Variants in CCDC186 observed in about 807,000 individuals in gnomAD.
CCDC186 encodes the protein coiled-coil domain containing 186.
A neutral mutation model predicts 113.7 loss-of-function variants in CCDC186; 49 were observed. The ratio of observed to expected loss-of-function variants is 0.43; its 90% CI spans 0.34 to 0.55. The LOEUF (loss-of-function observed/expected upper bound fraction) is 0.55, where lower values mean the gene tolerates loss of function less well. Among genes scored for constraint, CCDC186 ranks in the 20% least tolerant of loss-of-function variants. The pLI is 0.02. For synonymous variants in CCDC186, 355 were observed against 345.8 expected (o/e 1.03, Z -0.30); for missense variants, 890 against 1,011.1 (o/e 0.88, Z 1.62).
At position 114,142,206 on chromosome 10, in the gene CCDC186, C is replaced by T. The variant is rs1248527354; in HGVS notation, c.1221+2291G>A. On this transcript the variant is annotated intron_variant, in intron 6 of 15. Coordinates refer to ENST00000369287, the MANE Select transcript of CCDC186 (RefSeq NM_018017.4). ...AGAGCTTATTAAGCAACAGTCTTAC[C>T]TCGGGTGACCTAGTGTACAGAACAT... 1.3e-5 allele frequency among the ~76,000 whole-genome samples: 2 copies of T among 152,182 alleles called. 1 individual carries two copies. Among genetic ancestry groups the T allele is most frequent in the South Asian group, 4.1e-4 (2 of 4,834 alleles).
intron 4 of CCDC186, among the ~76,000 whole-genome samples, chr10:114,149,219 T>G (rs893795981): frequency 4.8e-4 from 73 of 152,266 alleles, no homozygotes; most frequent in African/African-American, 1.8e-3. Flanking sequence ...CAGCTAAAAG[T>G]CAGTACATCA....
intron 2 of CCDC186, among the ~76,000 whole-genome samples, chr10:114,160,644 T>C (rs1268041806): frequency 1.3e-5 from 2 of 152,120 alleles, no homozygotes; most frequent in African/African-American, 4.8e-5. Context: ...TTTAAATATA[T>C]ACAATTTTAT....
chr10:114,142,059 T>A (rs1258800897), intron 6 of CCDC186, among the ~76,000 whole-genome samples: 1 of 152,172 alleles, frequency 6.6e-6, no homozygotes, highest in Non-Finnish European at 1.5e-5. Context: ...ATAGTTTTAT[T>A]AAGTGAGATA....
In CCDC186 at chr10:114,163,113, A is replaced by G. The variant is rs760768207; in HGVS notation, c.156T>C (p.Thr52=). Residue 52 remains threonine (T), a synonymous_variant, in exon 2 of 16, where the codon ACT becomes ACC. Coordinates refer to ENST00000369287, the MANE Select transcript of CCDC186 (RefSeq NM_018017.4). ...TATTATGCTCATTAGGTTGACATAA[A>G]GTTTTATCAGTGTTTAATGACAATA... ...SKLLSLNTDK[T]LCQPNEHNNR... is the part of the protein sequence containing the mutation. 8 of 1,613,774 alleles carry G rather than the reference A, an allele frequency of 5.0e-6. No homozygotes were observed. In the African/African-American group the frequency reaches 8.0e-5, roughly 16 times the overall value.
intron 3 of CCDC186, among the ~76,000 whole-genome samples, chr10:114,156,496 C>T (rs1448554830): frequency 6.6e-6 from 1 of 152,164 alleles, no homozygotes; most frequent in Non-Finnish European, 1.5e-5. Flanking sequence ...CAGGCCAAGG[C>T]AAGTGGATCA....
At chr10:114,152,451 T>C (rs1302463024) in intron 3 of CCDC186, among the ~76,000 whole-genome samples, 1 of 152,154 alleles carries the variant, frequency 6.6e-6, no homozygotes, top group Non-Finnish European at 1.5e-5. Flanking sequence ...TTCATGCATC[T>C]ACTTAGGATC....
Position 114,122,195 on chromosome 10 carries a change from G to A in CCDC186, c.*2948C>T, listed in dbSNP as rs1218159975. The A allele has an allele frequency of 6.6e-6, 1 of 152,090 alleles. No homozygotes were observed. Among genetic ancestry groups the A allele is most frequent in the Non-Finnish European group, 1.5e-5 (1 of 68,046 alleles). The allele number at this position is 152,090 out of a possible 1,614,324, so 9.4% of individuals were successfully genotyped here. On this transcript the variant is annotated 3_prime_UTR_variant, in exon 16 of 16. Coordinates refer to ENST00000369287, the MANE Select transcript of CCDC186 (RefSeq NM_018017.4). ...CTAGTATAAATACAATACCCTGTAT[G>A]GTGCCAATACAATAGTATAGGTTTT...
Position 114,145,673 on chromosome 10 carries a change from C to T in CCDC186, c.977G>A (p.Arg326Gln), listed in dbSNP as rs1461006543. The T allele has an allele frequency of 8.1e-6, 13 of 1,612,670 alleles. No individual in the cohort carries two copies. The highest frequency in any genetic ancestry group is 6.7e-5 in the East Asian group (3 of 44,810). ...TTTCTCAAGTGTCTCTTTTTCCTTT[C>T]GAAGATCTAAAGATTCCTTCTCACC... ...VRGEKESLDL[R>Q]KEKETLEKKL... is the part of the protein sequence containing the mutation. The change falls in exon 5 of 16, where the codon CGA becomes CAA. Residue 326 changes from arginine (R) to glutamine (Q), a missense_variant. Arg to Gln is a conservative substitution (Grantham distance 43). Coordinates refer to ENST00000369287, the MANE Select transcript of CCDC186 (RefSeq NM_018017.4).
chr10:114,151,187 C>T lies in CCDC186; in HGVS notation c.793G>A (p.Val265Ile), dbSNP rs1589623063. ...ESRIEELNKEVKASRDQLIAQ... is the reference protein window; with the variant it reads ...ESRIEELNKEIKASRDQLIAQ... ...ATTAGTTGATCTCTGGAAGCTTTAA[C>T]TTCTTTATTAAGTTCTTCTATTCTT... Residue 265 changes from valine to isoleucine, a missense_variant, in exon 4 of 16, where the codon GTT becomes ATT. Val to Ile is a conservative substitution (Grantham distance 29). Transcript: ENST00000369287. 6.9e-6 allele frequency: 11 copies of T among 1,595,258 alleles called. No individual in the cohort carries two copies. Among genetic ancestry groups the T allele is most frequent in the East Asian group, 2.2e-5 (1 of 44,748 alleles).
Position 114,135,976 on chromosome 10 carries a change from A to G in CCDC186, c.1427T>C (p.Met476Thr). 1 of 1,610,748 alleles carries G rather than the reference A, an allele frequency of 6.2e-7. No individual in the cohort carries two copies. Among genetic ancestry groups the G allele is most frequent in the Non-Finnish European group, 8.5e-7 (1 of 1,177,582 alleles). ...QMQEKSDQLE[M>T]HHAKIKELED... ...TAGTTCCTTTATTTTGGCATGATGCATCTTTAAAAAAGTTTAAAAGAAACA... is the reference window on the plus strand; with the variant it reads ...TAGTTCCTTTATTTTGGCATGATGCGTCTTTAAAAAAGTTTAAAAGAAACA... The change falls in exon 9 of 16, where the codon ATG (methionine) becomes ACG (threonine). Residue 476 changes from methionine (M) to threonine (T), a missense_variant and splice_region_variant. Physicochemically the swap from Met to Thr is moderately conservative, Grantham distance 81. Coordinates refer to ENST00000369287, the MANE Select transcript of CCDC186 (RefSeq NM_018017.4).
chr10:114,164,418 C>T (rs1004775017), intron 1 of CCDC186, among the ~76,000 whole-genome samples: 4 of 151,914 alleles, frequency 2.6e-5, no homozygotes, highest in African/African-American at 4.8e-5. Context: ...CCACCGCACC[C>T]GGCATAGGAT....
At chr10:114,155,012 A>T (rs1037112011) in intron 3 of CCDC186, among the ~76,000 whole-genome samples, 26 of 152,366 alleles carry the variant, frequency 1.7e-4, no homozygotes, top group African/African-American at 6.3e-4. Flanking sequence ...TTCCATTTAT[A>T]TGAAACGTCC....
chr10:114,147,300 T>C (rs1167974342), intron 4 of CCDC186, among the ~76,000 whole-genome samples: 1 of 152,126 alleles, frequency 6.6e-6, no homozygotes, highest in Admixed American at 6.5e-5. Context: ...CATTATAATA[T>C]GAAAAATTAT....
At chr10:114,170,192 C>T (rs2032452784) in intron 1 of CCDC186, among the ~76,000 whole-genome samples, 1 of 151,780 alleles carries the variant, frequency 6.6e-6, no homozygotes, top group South Asian at 2.1e-4. Flanking sequence ...TGAATTTATG[C>T]AGATCAAATT....
chr10:114,164,992 A>G (rs1419039294), intron 1 of CCDC186, among the ~76,000 whole-genome samples: 1 of 152,222 alleles, frequency 6.6e-6, no homozygotes. Context: ...AAAGCCTGTA[A>G]GCACAGAAAT....
chr10:114,152,433 T>C (rs185513444), intron 3 of CCDC186, among the ~76,000 whole-genome samples: 265 of 152,126 alleles, frequency 1.7e-3, no homozygotes, highest in African/African-American at 6.0e-3. Context: ...TTCAGTGCTA[T>C]TGACAATTTC....
In CCDC186 at chr10:114,144,581, G is replaced by C. The variant is rs777601034; in HGVS notation, c.1137C>G (p.Asp379Glu). The change falls in exon 6 of 16, where the codon GAC becomes GAG. Residue 379 changes from aspartate (D) to glutamate (E), a missense_variant. By Grantham distance (45) the Asp-to-Glu change is conservative. Coordinates refer to ENST00000369287, the MANE Select transcript of CCDC186 (RefSeq NM_018017.4). ...GAGAGTTAATGTCTTCCTTTAATTTGTCTATTTCTCTGATGAGTCTAGTCG... is the reference window on the plus strand; with the variant it reads ...GAGAGTTAATGTCTTCCTTTAATTTCTCTATTTCTCTGATGAGTCTAGTCG... ...GETTRLIREI[D>E]KLKEDINSHV... The C allele has an allele frequency of 5.1e-5, 82 of 1,612,306 alleles. No homozygotes were observed. Among genetic ancestry groups the C allele is most frequent in the Non-Finnish European group, 6.4e-5 (75 of 1,178,912 alleles).
Position 114,131,984 on chromosome 10 carries a change from C to T in CCDC186, c.1856G>A (p.Ser619Asn), listed in dbSNP as rs1564905873. 10 of 1,612,788 alleles carry T rather than the reference C, an allele frequency of 6.2e-6. No homozygotes were observed. The highest frequency in any genetic ancestry group is 8.5e-6 in the Non-Finnish European group (10 of 1,179,448). ...LQSQFDKVSCSESQLQSQCEQ... is the reference protein window; with the variant it reads ...LQSQFDKVSCNESQLQSQCEQ... ...ACACTGGCTTTGTAACTGACTTTCA[C>T]TACAGGAAACTTTATCAAATTGTGA... The change falls in exon 11 of 16, where the codon AGT becomes AAT. Residue 619 changes from serine to asparagine, a missense_variant. Transcript: ENST00000369287.
intron 6 of CCDC186, among the ~76,000 whole-genome samples, chr10:114,140,827 T>C (rs2031444199): frequency 1.3e-5 from 2 of 152,148 alleles, no homozygotes; most frequent in Non-Finnish European, 2.9e-5. Context: ...ACATATGGAA[T>C]GTATTTATAA....
Sources: gnomAD v4.1 joint callset for allele counts (sites outside exome capture counted in the v4.1 genomes callset) on GRCh38, gnomAD v4.1.1 for gene constraint, MANE v1.5 for transcripts, NCBI Gene and HGNC (gene_info 2026-07-23, HGNC 2026-07-21) for gene names.